Variants in TRIM46 observed in about 807,000 individuals in gnomAD.
TRIM46 encodes tripartite motif-containing protein 46.
A neutral mutation model predicts 69.7 loss-of-function variants in TRIM46; 17 were observed. That is an observed-to-expected ratio of 0.24 (90% CI 0.17 to 0.37). TRIM46 has a LOEUF of 0.37. TRIM46 is among the 10% of genes least tolerant of loss of function. The pLI is 1.00. For missense variants in TRIM46, 675 were observed against 1,025.1 expected, an observed-to-expected ratio of 0.66 and a Z score of 4.66; for synonymous variants, 391 against 429.0, an observed-to-expected ratio of 0.91 and a Z score of 1.09.
At chr1:155,179,598 G>A in intron 7 of TRIM46, 34 bp from the exon 8 acceptor site, 1 of 1,559,102 alleles carries the variant, frequency 6.4e-7, no homozygotes, top group Non-Finnish European at 8.7e-7. Context: ...CCAGTGGCCA[G>A]GCCCTGACTG....
chr1:155,173,986 T>A lies in TRIM46; in HGVS notation c.20T>A (p.Met7Lys). 6.3e-7 allele frequency: 1 copy of A among 1,575,268 alleles called. No homozygotes were observed. The highest frequency in any genetic ancestry group is 2.4e-5 in the East Asian group (1 of 42,536). Residue 7 changes from methionine (M) to lysine (K), a missense_variant, in exon 1 of 10, where the codon ATG becomes AAG. By Grantham distance (95) the Met-to-Lys change is moderately conservative (BLOSUM62 -1). Coordinates refer to ENST00000334634, the MANE Select transcript of TRIM46 (RefSeq NM_025058.5). MAEGED[M>K]QTFTSIMDAL... ...AGGGCCATGGCAGAGGGTGAGGATA[T>A]GCAGACCTTCACTTCCATCATGGAC...
rs371258554 is a variant in TRIM46, at chr1:155,175,469, C to A, written c.147C>A (p.Thr49=). The A allele has an allele frequency of 1.9e-6, 3 of 1,614,038 alleles. No homozygotes were observed. The highest frequency in any genetic ancestry group is 2.5e-6 in the Non-Finnish European group (3 of 1,180,008). ...AGCAGCCACTGGTGCTGCCCTGTACCCACAACGTGTGCCAGGCCTGTGCCC... is the reference window on the plus strand; with the variant it reads ...AGCAGCCACTGGTGCTGCCCTGTACACACAACGTGTGCCAGGCCTGTGCCC... ...MYKQPLVLPC[T]HNVCQACARE... The change falls in exon 2 of 10, where the codon ACC becomes ACA. Residue 49 remains threonine, a synonymous_variant. Transcript: ENST00000334634. The surrounding 1 kb of genome is among the most constrained non-coding windows in gnomAD (Gnocchi z 4.2).
chr1:155,183,791 C>G lies in TRIM46; in HGVS notation c.1887-6C>G, dbSNP rs773972723. ...ACAATCTCGTCCCCAACACCCGCTT[C>G]TGCAGGTACGACCCGGACAGCGGGC... is the stretch of plus-strand genomic sequence containing the variant. On this transcript the variant is annotated splice_region_variant and splice_polypyrimidine_tract_variant and intron_variant, in intron 9 of 9. Transcript: ENST00000334634. The G allele has an allele frequency of 5.6e-5, 90 of 1,600,180 alleles. No individual in the cohort carries two copies. Among genetic ancestry groups the G allele is most frequent in the South Asian group, 2.2e-5 (2 of 90,998 alleles).
chr1:155,178,688 G>A, intron 7 of TRIM46, 75 bp downstream of exon 7: 3 of 1,593,140 alleles, frequency 1.9e-6, no homozygotes, highest in Non-Finnish European at 2.6e-6. Flanking sequence ...CCGGGGGGCA[G>A]TGCCTACCGG....
chr1:155,175,001 G>A lies in TRIM46; in HGVS notation c.64-385G>A, dbSNP rs1010449696. ...GGTGCTGCTAGAGAAGGGAGTGGGGGTCTGCATGGAGCTGCAGAATGGGCG... is the reference window on the plus strand; with the variant it reads ...GGTGCTGCTAGAGAAGGGAGTGGGGATCTGCATGGAGCTGCAGAATGGGCG... On this transcript the variant is annotated intron_variant, in intron 1 of 9. Transcript: ENST00000334634. The surrounding 1 kb of genome is among the most constrained non-coding windows in gnomAD (Gnocchi z 4.2). 3 of 1,384,744 alleles carry A rather than the reference G, an allele frequency of 2.2e-6. No individual in the cohort carries two copies. The highest frequency in any genetic ancestry group is 1.7e-5 in the South Asian group (1 of 58,084). 85.8% of individuals were successfully genotyped at this position (1,384,744 alleles called of 1,614,324 possible).
chr1:155,178,006 G>A lies in TRIM46; in HGVS notation c.914G>A (p.Ser305Asn). 1 of 1,612,764 alleles carries A rather than the reference G, an allele frequency of 6.2e-7. No individual in the cohort carries two copies. Among genetic ancestry groups the A allele is most frequent in the South Asian group, 1.1e-5 (1 of 91,014 alleles). The change falls in exon 6 of 10, where the codon AGT becomes AAT. Residue 305 changes from serine (S) to asparagine (N), a missense_variant. Physicochemically the swap from Ser to Asn is conservative, Grantham distance 46. Around this residue, in one of 5 missense-constraint regions of TRIM46, gnomAD observed 361 missense variants for 498.3 expected, o/e 0.72. Coordinates refer to ENST00000334634, the MANE Select transcript of TRIM46 (RefSeq NM_025058.5). Reference protein sequence around the residue: ...LEEAVRHTEVSGQQAKEEVSQ... With the variant: ...LEEAVRHTEVNGQQAKEEVSQ... ...TGGGTGTTGCTCCCTGGGCAGGTGA[G>A]TGGTCAGCAGGCCAAGGAGGAGGTG...
At chr1:155,174,504 A>C in intron 1 of TRIM46, 2 of 1,423,930 alleles carry the variant, frequency 1.4e-6, no homozygotes, top group Non-Finnish European at 1.8e-6. Context: ...TGCGGTTGTC[A>C]TGGCAACCCG....
In TRIM46 at chr1:155,184,232, C is replaced by T; in HGVS notation, c.*42C>T. 6.6e-7 allele frequency: 1 copy of T among 1,521,342 alleles called. No homozygotes were observed. The highest frequency in any genetic ancestry group is 8.8e-7 in the Non-Finnish European group (1 of 1,138,242). The allele number at this position is 1,521,342 out of a possible 1,614,324, so 94.2% of individuals were successfully genotyped here. A position where few individuals can be genotyped will look rare whatever the true frequency, so the allele number is the denominator to read the frequency against. ...ATGCAGACCTGGGGTCCTCCTGGGC[C>T]CTGGCCCCCAAACCTCTTGGCACCC... On this transcript the variant is annotated 3_prime_UTR_variant, in exon 10 of 10. Coordinates refer to ENST00000334634, the MANE Select transcript of TRIM46 (RefSeq NM_025058.5). The surrounding 1 kb of genome is among the most constrained non-coding windows in gnomAD (Gnocchi z 5.6).
Position 155,175,613 on chromosome 1 carries a change from C to T in TRIM46, c.291C>T (p.Pro97=). Residue 97 remains proline (P), a synonymous_variant, in exon 2 of 10, where the codon CCC becomes CCT. Coordinates refer to ENST00000334634, the MANE Select transcript of TRIM46 (RefSeq NM_025058.5). The surrounding 1 kb of genome is among the most constrained non-coding windows in gnomAD (Gnocchi z 4.2). ...RSPRLSRRTL[P]KPDRLDRLLK... ...CCCGCCTCTCCCGCAGAACTCTCCC[C>T]AAGCCAGACCGCCTGGACCGGCTGC... is the stretch of plus-strand genomic sequence containing the variant. The T allele has an allele frequency of 6.2e-7, 1 of 1,613,844 alleles. No individual in the cohort carries two copies.
At position 155,184,317 on chromosome 1, in the gene TRIM46, C is replaced by A; in HGVS notation, c.*127C>A. On this transcript the variant is annotated 3_prime_UTR_variant, in exon 10 of 10. Transcript: ENST00000334634. The surrounding 1 kb of genome is among the most constrained non-coding windows in gnomAD (Gnocchi z 5.6). ...CTCCTACCATGTGGCCCTGCTCCTT[C>A]TCCCGTGTCTGTCTTCCCACAGTTT... is the stretch of plus-strand genomic sequence containing the variant. The A allele has an allele frequency of 9.6e-7, 1 of 1,038,584 alleles. No individual in the cohort carries two copies. Among genetic ancestry groups the A allele is most frequent in the Non-Finnish European group, 1.4e-6 (1 of 738,080 alleles). The allele number at this position is 1,038,584 out of a possible 1,614,324, so 64.3% of individuals were successfully genotyped here.
At chr1:155,178,739 T>TTGGGCCCCCCCCCCCCCCCCCC in intron 7 of TRIM46, 126 bp downstream of exon 7, 60 of 1,348,414 alleles carry the variant, frequency 4.4e-5, no homozygotes, top group Non-Finnish European at 5.7e-5. Context: ...CAGCCATTCC[T>TTGGGCCCCCCCCCCCCCCCCCC]CCCACCCAGC....
chr1:155,179,921 G>T lies in TRIM46; in HGVS notation c.1575G>T (p.Thr525=), dbSNP rs750777111. 1 of 1,577,058 alleles carries T rather than the reference G, an allele frequency of 6.3e-7. No homozygotes were observed. The highest frequency in any genetic ancestry group is 1.3e-5 in the African/African-American group (1 of 74,604). Residue 525 remains threonine, a synonymous_variant, in exon 8 of 10, where the codon ACG becomes ACT. Coordinates refer to ENST00000334634, the MANE Select transcript of TRIM46 (RefSeq NM_025058.5). ...ACAGTGAAGATGTGCACCTGCACAC[G>T]CCCCCGGCACCTGGTGAGTGGGCAG... ...GEYSEDVHLH[T]PPAPVLHFFL...
At chr1:155,180,061 T>C (rs1666029600) in intron 8 of TRIM46, 127 bp downstream of exon 8, 17 of 1,087,562 alleles carry the variant, frequency 1.6e-5, no homozygotes, top group Non-Finnish European at 2.2e-5. Context: ...ACACTAGCTC[T>C]GGAGCTAGAC....
chr1:155,178,896 T>C (rs1665917774), intron 7 of TRIM46: 1 of 1,311,214 alleles, frequency 7.6e-7, no homozygotes, highest in Admixed American at 2.2e-5. Context: ...CGGGCCCCCT[T>C]CCCACCCCGC....
chr1:155,182,658 T>C (rs1338740868), intron 9 of TRIM46: 1 of 164,234 alleles, frequency 6.1e-6, no homozygotes, highest in African/African-American at 2.4e-5. Flanking sequence ...TTGACCAACA[T>C]GGAGTGACCC....
Position 155,175,608 on chromosome 1 carries a change from C to A in TRIM46, c.286C>A (p.Leu96Ile). ...TRSPRLSRRT[L>I]PKPDRLDRLL... ...CAGCCCCCGCCTCTCCCGCAGAACT[C>A]TCCCCAAGCCAGACCGCCTGGACCG... The change falls in exon 2 of 10, where the codon CTC becomes ATC. Residue 96 changes from leucine to isoleucine, a missense_variant. Physicochemically the swap from Leu to Ile is conservative, Grantham distance 5. This residue lies in a region of TRIM46 where 170 missense variants were observed against 255.6 expected (regional missense o/e 0.67). Coordinates refer to ENST00000334634, the MANE Select transcript of TRIM46 (RefSeq NM_025058.5). This position sits in a 1 kb window ranked among gnomAD's most constrained non-coding sequence, Gnocchi z 4.2. 4 of 1,613,838 alleles carry A rather than the reference C, an allele frequency of 2.5e-6. No individual in the cohort carries two copies. The highest frequency in any genetic ancestry group is 3.4e-6 in the Non-Finnish European group (4 of 1,179,966).
chr1:155,175,048 G>A lies in TRIM46; in HGVS notation c.64-338G>A. 2 of 1,370,464 alleles carry A rather than the reference G, an allele frequency of 1.5e-6. No individual in the cohort carries two copies. Among genetic ancestry groups the A allele is most frequent in the Non-Finnish European group, 1.9e-6 (2 of 1,068,592 alleles). The allele number at this position is 1,370,464 out of a possible 1,614,324, so 84.9% of individuals were successfully genotyped here. A position where few individuals can be genotyped will look rare whatever the true frequency, so the allele number is the denominator to read the frequency against. ...GGCGGTGTCCTTGAGAAAAATGCCA[G>A]GGGCAAGCTGCCCAGAGATGGGGGA... On this transcript the variant is annotated intron_variant, in intron 1 of 9. Transcript: ENST00000334634. The surrounding 1 kb of genome is among the most constrained non-coding windows in gnomAD (Gnocchi z 4.2).
At chr1:155,179,987 C>T in intron 8 of TRIM46, 53 bp downstream of exon 8, 1 of 1,520,422 alleles carries the variant, frequency 6.6e-7, no homozygotes, top group Admixed American at 2.1e-5. Flanking sequence ...ATGCCAGGGC[C>T]TAGGCCCTGA....
At position 155,175,842 on chromosome 1, in the gene TRIM46, G is replaced by A. The variant is rs1257540041; in HGVS notation, c.326-46G>A. ...AATTAAACAGGCTTCCCCACACCCAGCCAGCTGTAACTCTCATGTCCTCTA... is the reference window on the plus strand; with the variant it reads ...AATTAAACAGGCTTCCCCACACCCAACCAGCTGTAACTCTCATGTCCTCTA... On this transcript the variant is annotated intron_variant, in intron 2 of 9. Transcript: ENST00000334634. The surrounding 1 kb of genome is among the most constrained non-coding windows in gnomAD (Gnocchi z 4.2). The A allele has an allele frequency of 1.9e-6, 3 of 1,584,736 alleles. No individual in the cohort carries two copies. Among genetic ancestry groups the A allele is most frequent in the Non-Finnish European group, 2.6e-6 (3 of 1,165,194 alleles).
Sources: allele counts gnomAD v4.1 joint callset, GRCh38; gene constraint gnomAD v4.1.1; regional missense constraint gnomAD v4.1.1; non-coding constraint Gnocchi (gnomAD v3.1); transcripts MANE v1.5; gene names NCBI Gene and HGNC (gene_info 2026-07-23, HGNC 2026-07-21).